Variants in TBC1D5 observed in about 807,000 individuals in gnomAD.
The protein encoded by TBC1D5 is TBC1 domain family member 5.
Under a neutral mutation model 100.3 loss-of-function variants are expected in TBC1D5, and 75 were observed. The ratio of observed to expected loss-of-function variants is 0.75; its 90% confidence interval spans 0.62 to 0.91. The LOEUF (loss-of-function observed/expected upper bound fraction) is 0.91, where lower values mean the gene tolerates loss of function less well. TBC1D5 is among the 40% of genes least tolerant of loss of function. The probability of loss-of-function intolerance (pLI) is 0.00; values close to 1 mark genes in which losing one functional copy is unlikely to be tolerated. For synonymous variants in TBC1D5, 323 were observed against 325.6 expected, an observed-to-expected ratio of 0.99 and a Z score of 0.09; for missense variants, 910 against 942.4, an observed-to-expected ratio of 0.97 and a Z score of 0.45.
intron 14 of TBC1D5, among the ~76,000 whole-genome samples, chr3:17,307,482 C>T (rs760147307): frequency 3.3e-5 from 5 of 152,136 alleles, no homozygotes; most frequent in Admixed American, 6.5e-5. Context: ...GATGGGAACA[C>T]GTCTACCATT....
intron 3 of TBC1D5, among the ~76,000 whole-genome samples, chr3:17,449,335 T>C (rs548778673): frequency 6.6e-6 from 1 of 152,060 alleles, no homozygotes; most frequent in African/African-American, 2.4e-5. Context: ...ACCAAGCTAG[T>C]AGGAGTTTTT....
chr3:17,573,059 C>T (rs369509220), intron 2 of TBC1D5, among the ~76,000 whole-genome samples: 13 of 152,080 alleles, frequency 8.5e-5, no homozygotes, highest in African/African-American at 2.9e-4. Flanking sequence ...TAACTCATCT[C>T]CTGGCCTTGA....
intron 16 of TBC1D5, among the ~76,000 whole-genome samples, chr3:17,254,109 T>C (rs573974229): frequency 2.7e-4 from 41 of 152,354 alleles, no homozygotes; most frequent in African/African-American, 9.6e-4. Context: ...TGGTCTCTTG[T>C]TGATGGAGAT....
At chr3:17,488,779 T>C (rs766175930) in intron 3 of TBC1D5, among the ~76,000 whole-genome samples, 4 of 152,034 alleles carry the variant, frequency 2.6e-5, no homozygotes, top group Non-Finnish European at 5.9e-5. Context: ...GTATATCTGG[T>C]CTGTGGCCTG....
In TBC1D5 at chr3:17,368,107, A is replaced by C. The variant is rs9823204; in HGVS notation, c.995+3968T>G. On this transcript the variant is annotated intron_variant, in intron 13 of 21. Coordinates refer to ENST00000253692, the Ensembl canonical transcript of TBC1D5. ...CAAAAAATTTTTAATCATCCAGAAG[A>C]TAATACAGTTAAATATATAAGTAAC... is the stretch of plus-strand genomic sequence containing the variant. Among the ~76,000 whole-genome samples, 172 of 128,228 alleles carry C rather than the reference A, an allele frequency of 1.3e-3. 1 individual carries two copies. Among genetic ancestry groups the C allele is most frequent in the African/African-American group, 4.7e-3 (160 of 34,118 alleles). The allele number at this position is 128,228 out of a possible 152,430, so 84.1% of individuals were successfully genotyped here.
chr3:17,482,276 T>C (rs2095511094), intron 3 of TBC1D5, among the ~76,000 whole-genome samples: 1 of 152,172 alleles, frequency 6.6e-6, no homozygotes, highest in Non-Finnish European at 1.5e-5. Context: ...CTTAAAGTCA[T>C]TTAAAAATAA....
chr3:17,540,941 A>T (rs2096348519), intron 2 of TBC1D5, among the ~76,000 whole-genome samples: 1 of 150,696 alleles, frequency 6.6e-6, no homozygotes, highest in Non-Finnish European at 1.5e-5. Flanking sequence ...AAGTAAGAAA[A>T]GAAAAAAGAA....
intron 8 of TBC1D5, among the ~76,000 whole-genome samples, chr3:17,396,784 T>C (rs780130627): frequency 1.3e-5 from 2 of 152,044 alleles, no homozygotes; most frequent in South Asian, 4.1e-4. Flanking sequence ...TAAAAGTAAA[T>C]GTTTCACAGA....
intron 15 of TBC1D5, among the ~76,000 whole-genome samples, chr3:17,267,618 C>T (rs1019245874): frequency 1.3e-5 from 2 of 152,070 alleles, no homozygotes; most frequent in Non-Finnish European, 2.9e-5. Flanking sequence ...AAGTAACCAT[C>T]GAAATAGAGG....
chr3:17,662,331 A>C (rs1187437435), intron 1 of TBC1D5, among the ~76,000 whole-genome samples: 1 of 152,152 alleles, frequency 6.6e-6, no homozygotes, highest in Non-Finnish European at 1.5e-5. Flanking sequence ...TTTATCTCCT[A>C]ATTTTCATGG....
At chr3:17,374,785 A>G in intron 10 of TBC1D5, 106 bp from the exon 11 acceptor site, 1 of 1,091,222 alleles carries the variant, frequency 9.2e-7, no homozygotes, top group South Asian at 1.5e-5. Context: ...TATGCAAACG[A>G]AAAAAATTAG....
At chr3:17,205,457 C>T (rs1235670885) in intron 18 of TBC1D5, among the ~76,000 whole-genome samples, 1 of 152,196 alleles carries the variant, frequency 6.6e-6, no homozygotes, top group Non-Finnish European at 1.5e-5. Context: ...ACCAATTTAA[C>T]TCCAGTTGCC....
At chr3:17,734,225 T>C (rs968413763) in intron 1 of TBC1D5, among the ~76,000 whole-genome samples, 13 of 152,212 alleles carry the variant, frequency 8.5e-5, no homozygotes, top group Admixed American at 1.3e-4. Flanking sequence ...TAATACACTA[T>C]ATACAAACCT....
At chr3:17,288,733 A>G (rs909279475) in intron 15 of TBC1D5, among the ~76,000 whole-genome samples, 10 of 152,068 alleles carry the variant, frequency 6.6e-5, no homozygotes, top group Non-Finnish European at 1.3e-4. Flanking sequence ...ACTCAATAAG[A>G]TATTTCTCCA....
chr3:17,327,086 T>C (rs1449236729), intron 13 of TBC1D5, among the ~76,000 whole-genome samples: 1 of 152,210 alleles, frequency 6.6e-6, no homozygotes, highest in Non-Finnish European at 1.5e-5. Context: ...TAACCAATCA[T>C]TCATTTAAAT....
intron 1 of TBC1D5, among the ~76,000 whole-genome samples, chr3:17,654,349 G>A (rs1198178740): frequency 6.6e-6 from 1 of 152,032 alleles, no homozygotes; most frequent in Admixed American, 6.6e-5. Flanking sequence ...ATTTTGATAT[G>A]TAATTAACAA....
At chr3:17,453,079 TAAAA>T (rs570210975) in intron 3 of TBC1D5, among the ~76,000 whole-genome samples, 6 of 81,928 alleles carry the variant, frequency 7.3e-5, no homozygotes, top group African/African-American at 2.2e-4. Flanking sequence ...AATGAAGAAA[TAAAA>T]AAAAAAAAAA....
At chr3:17,285,248 C>CTTTT (rs373843978) in intron 15 of TBC1D5, among the ~76,000 whole-genome samples, 17 of 104,696 alleles carry the variant, frequency 1.6e-4, no homozygotes, top group Admixed American at 2.2e-4. Flanking sequence ...ATTTTAGATT[C>CTTTT]TTTTTTTTTT....
chr3:17,587,591 T>C (rs1418522650), intron 2 of TBC1D5, among the ~76,000 whole-genome samples: 2 of 152,046 alleles, frequency 1.3e-5, no homozygotes, highest in South Asian at 2.1e-4. Flanking sequence ...ACCCATTTTA[T>C]TGAATACAAT....
Sources: gnomAD v4.1 joint callset for allele counts (sites outside exome capture counted in the v4.1 genomes callset) on GRCh38, gnomAD v4.1.1 for gene constraint, MANE v1.5 for transcripts, NCBI Gene and HGNC (gene_info 2026-07-23, HGNC 2026-07-21) for gene names.